Variants in MGAM observed in about 807,000 individuals in gnomAD.
MGAM encodes the protein alpha-1,4-glucosidase.
Under a neutral mutation model 358.8 loss-of-function variants are expected in MGAM, and 253 were observed. The ratio of observed to expected loss-of-function variants is 0.71; its 90% confidence interval spans 0.64 to 0.78. The LOEUF (loss-of-function observed/expected upper bound fraction) is 0.78. MGAM is among the 30% of genes least tolerant of loss of function. The pLI is 0.00. For missense variants in MGAM, 3,080 were observed against 3,432.6 expected (o/e 0.90, Z 2.57); for synonymous variants, 1,105 against 1,227.1 (o/e 0.90, Z 2.08).
In MGAM at chr7:142,095,614, C is replaced by A. The variant is rs1486005404; in HGVS notation, c.7508C>A (p.Thr2503Asn). 5.0e-6 allele frequency: 8 copies of A among 1,613,858 alleles called. No homozygotes were observed. Among genetic ancestry groups the A allele is most frequent in the East Asian group, 2.2e-5 (1 of 44,884 alleles). The change falls in exon 64 of 71, where the codon ACT becomes AAT. Residue 2503 changes from threonine (T) to asparagine (N), a missense_variant. Physicochemically the swap from Thr to Asn is moderately conservative, Grantham distance 65. This residue lies in a region of MGAM where 932 missense variants were observed against 1,198.2 expected (regional missense o/e 0.78). Transcript: ENST00000475668. ...GTTGCTTTTGTGAATATTTCCAGAA[C>A]TGTCCTGCAGACCAGATACACCCTG... ...WDVAFVNISR[T>N]VLQTRYTLLP...
chr7:142,044,156 C>A lies in MGAM; in HGVS notation c.2498+3310C>A, dbSNP rs1373844599. Among the ~76,000 whole-genome samples, 4 of 140,548 alleles carry A rather than the reference C, an allele frequency of 2.8e-5. 1 individual carries two copies. Among genetic ancestry groups the A allele is most frequent in the South Asian group, 4.4e-4 (2 of 4,590 alleles). 92.2% of individuals were successfully genotyped at this position (140,548 alleles called of 152,430 possible). On this transcript the variant is annotated intron_variant, in intron 21 of 70. Coordinates refer to ENST00000475668, the MANE Select transcript of MGAM (RefSeq NM_001365693.1). ...ATATGTACATTATATACACATACGA[C>A]GTATAATATATACATTATATACACA...
At chr7:142,064,981 A>G (rs1339705444) in intron 37 of MGAM, among the ~76,000 whole-genome samples, 1 of 152,194 alleles carries the variant, frequency 6.6e-6, no homozygotes, top group Non-Finnish European at 1.5e-5. Context: ...TGCAAGCTCA[A>G]TGAATAGTAT....
At chr7:142,044,450 A>G (rs1320711895) in intron 21 of MGAM, among the ~76,000 whole-genome samples, 1 of 139,526 alleles carries the variant, frequency 7.2e-6, no homozygotes, top group Non-Finnish European at 1.5e-5. Flanking sequence ...AATGAATATT[A>G]TATACACATA....
Position 142,030,749 on chromosome 7 carries a change from A to C in MGAM, c.1462A>C (p.Ile488Leu). 6.2e-7 allele frequency: 1 copy of C among 1,601,366 alleles called. No individual in the cohort carries two copies. Among genetic ancestry groups the C allele is most frequent in the South Asian group, 1.1e-5 (1 of 90,830 alleles). The change falls in exon 12 of 71, where the codon ATT becomes CTT. Residue 488 changes from isoleucine to leucine, a missense_variant. Ile to Leu is a conservative substitution (Grantham distance 5). This residue lies in a region of MGAM where 1,816 missense variants were observed against 1,840.5 expected (regional missense o/e 0.99). Transcript: ENST00000475668. ...TAGTTCAGATGGAGTGACTCCACTC[A>C]TTGGGGAGGTAACTTAATGGGAAGG... Reference protein sequence around the residue: ...VNSSDGVTPLIGEVWPGQTVF... With the variant: ...VNSSDGVTPLLGEVWPGQTVF...
chr7:142,051,991 C>T (rs1192108081), intron 24 of MGAM, among the ~76,000 whole-genome samples: 1 of 152,078 alleles, frequency 6.6e-6, no homozygotes, highest in Non-Finnish European at 1.5e-5. Flanking sequence ...TGTCATCTCA[C>T]AGCGAGCTAA....
chr7:142,095,926 T>A (rs1815865589), intron 64 of MGAM: 5 of 754,710 alleles, frequency 6.6e-6, no homozygotes, highest in Non-Finnish European at 1.0e-5. Context: ...ACTGAAATGA[T>A]GCAGTATAGC....
chr7:142,075,331 G>A (rs1813649004), intron 45 of MGAM, among the ~76,000 whole-genome samples: 1 of 146,118 alleles, frequency 6.8e-6, no homozygotes, highest in Non-Finnish European at 1.5e-5. Context: ...AAATTGTAAA[G>A]CTCCTAGAAG....
chr7:142,075,458 G>C (rs550514751), intron 45 of MGAM, among the ~76,000 whole-genome samples: 1 of 146,168 alleles, frequency 6.8e-6, no homozygotes, highest in African/African-American at 2.4e-5. Flanking sequence ...AAACTAAAAG[G>C]CTCCTGCACA....
chr7:142,025,030 T>C lies in MGAM; in HGVS notation c.883-20T>C, dbSNP rs1806814195. On this transcript the variant is annotated intron_variant, in intron 7 of 70. Coordinates refer to ENST00000475668, the MANE Select transcript of MGAM (RefSeq NM_001365693.1). ...AGACTTCTTAGTTGTAAATTTTGGT[T>C]TTTAATTCTCTTTCTGCAGAACGGA... 6.2e-7 allele frequency: 1 copy of C among 1,606,180 alleles called. No individual in the cohort carries two copies. Among genetic ancestry groups the C allele is most frequent in the Admixed American group, 1.7e-5 (1 of 59,798 alleles).
intron 24 of MGAM, among the ~76,000 whole-genome samples, chr7:142,051,377 G>C (rs563584087): frequency 6.6e-6 from 1 of 152,144 alleles, no homozygotes; most frequent in Admixed American, 6.5e-5. Context: ...GTGGGGGCTG[G>C]GGACTAGTAG....
chr7:142,033,813 C>T (rs1807726431), intron 14 of MGAM, among the ~76,000 whole-genome samples: 1 of 152,078 alleles, frequency 6.6e-6, no homozygotes, highest in African/African-American at 2.4e-5. Flanking sequence ...GGATCTCAAA[C>T]AGAGTGGTGC....
At chr7:142,040,243 G>C (rs932382511) in intron 20 of MGAM, 72 bp downstream of exon 20, 1 of 1,230,684 alleles carries the variant, frequency 8.1e-7, no homozygotes, top group African/African-American at 1.5e-5. Flanking sequence ...TACCTTTCTG[G>C]AGAGAGAAAC....
intron 19 of MGAM, among the ~76,000 whole-genome samples, chr7:142,039,018 TACAGTCATGGAGG>T (rs572879338): frequency 2.0e-4 from 30 of 151,900 alleles, no homozygotes; most frequent in Admixed American, 1.1e-3. Flanking sequence ...TCAGGAAGCT[TACAGTCATGGAGG>T]AAGGTGAAGA....
At chr7:141,994,155 C>T (rs917270305), upstream of MGAM, among the ~76,000 whole-genome samples, 6 of 152,168 alleles carry the variant, frequency 3.9e-5, no homozygotes, top group Non-Finnish European at 5.9e-5. Context: ...GGATTACAGG[C>T]GTGAGCCACT....
At chr7:142,102,740 T>A in intron 69 of MGAM, 61 bp downstream of exon 69, 1 of 1,481,750 alleles carries the variant, frequency 6.7e-7, no homozygotes, top group Non-Finnish European at 9.3e-7. Context: ...GTGCTGAATA[T>A]CGTAAGGGCA....
chr7:142,026,200 CTTT>C (rs200252324), intron 8 of MGAM, among the ~76,000 whole-genome samples: 2 of 146,856 alleles, frequency 1.4e-5, no homozygotes, highest in African/African-American at 5.0e-5. Context: ...CAATTTCTGA[CTTT>C]TTTTTTTTAG....
At chr7:142,044,571 A>G (rs1307040677) in intron 21 of MGAM, among the ~76,000 whole-genome samples, 1 of 134,160 alleles carries the variant, frequency 7.5e-6, no homozygotes, top group Non-Finnish European at 1.5e-5. Context: ...CACGTGTAAT[A>G]TATGATATAT....
At position 142,008,488 on chromosome 7, in the gene MGAM, T is replaced by C. The variant is rs1403666231; in HGVS notation, c.128-18T>C. 1.3e-6 allele frequency: 2 copies of C among 1,590,302 alleles called. No homozygotes were observed. The highest frequency in any genetic ancestry group is 2.7e-5 in the African/African-American group (2 of 74,144). On this transcript the variant is annotated intron_variant, in intron 2 of 70. Transcript: ENST00000475668. Reference sequence around the variant, plus strand: ...TTAAATTTGTCTAATGGTCTTTTTATGTTTGCTTTTGGTATAGCCCCAGAT... The same window carrying C: ...TTAAATTTGTCTAATGGTCTTTTTACGTTTGCTTTTGGTATAGCCCCAGAT...
chr7:142,077,014 T>A (rs539902258), intron 47 of MGAM, among the ~76,000 whole-genome samples, 188 bp downstream of exon 47: 3 of 145,272 alleles, frequency 2.1e-5, no homozygotes, highest in Admixed American at 7.0e-5. Context: ...TAGAATGAGT[T>A]GGGTATTTTT....
Sources: allele counts gnomAD v4.1 joint callset (sites outside exome capture counted in the v4.1 genomes callset), GRCh38; gene constraint gnomAD v4.1.1; regional missense constraint gnomAD v4.1.1; transcripts MANE v1.5; gene names NCBI Gene and HGNC (gene_info 2026-07-23, HGNC 2026-07-21).